TF: variants seen among roughly 807,000 people sequenced by gnomAD.
TF encodes the protein serotransferrin.
In TF, 55 loss-of-function variants were observed where a neutral mutation model predicts 82.4. That is an observed-to-expected ratio of 0.67 (90% CI 0.54 to 0.84). The LOEUF is 0.84. TF is among the 40% of genes least tolerant of loss of function. The pLI is 0.00. For synonymous variants in TF, 332 were observed against 332.6 expected (o/e 1.00, Z 0.02); for missense variants, 737 against 868.4 (o/e 0.85, Z 1.90).
Position 133,790,885 on chromosome 3 carries a change from AT to A in TF, c.*12267del, listed in dbSNP as rs1457398556. The A allele has an allele frequency of 4.6e-5, 7 of 152,170 alleles. No homozygotes were observed. Among genetic ancestry groups the A allele is most frequent in the African/African-American group, 1.7e-4 (7 of 41,450 alleles). The allele number at this position is 152,170 out of a possible 1,614,324, so 9.4% of individuals were successfully genotyped here. On this transcript the variant is annotated 3_prime_UTR_variant, in exon 17 of 17. Transcript: ENST00000402696. Reference sequence around the variant, plus strand: ...ATTGTGTATCAGGAACAAAATATTCATTATGTGGGTTTTGGGGGGCCCTAGG... The same window carrying A: ...ATTGTGTATCAGGAACAAAATATTCATATGTGGGTTTTGGGGGGCCCTAGG...
chr3:133,738,197 A>T, the TF span, among the ~76,000 whole-genome samples: 23 of 152,218 alleles, frequency 1.5e-4, no homozygotes, highest in African/African-American at 5.5e-4. Context: ...CATAAACAGA[A>T]CCAATGACAA....
intron 2 of TF, among the ~76,000 whole-genome samples, chr3:133,750,876 C>T (rs1265001803): frequency 3.3e-5 from 5 of 152,292 alleles, no homozygotes; most frequent in Non-Finnish European, 2.9e-5. Flanking sequence ...TGGTGTGCTG[C>T]ACCCTGTTTG....
At position 133,779,684 on chromosome 3, in the gene TF, C is replaced by G. The variant is rs1295135003; in HGVS notation, c.*1064C>G. On this transcript the variant is annotated 3_prime_UTR_variant, in exon 17 of 17. Transcript: ENST00000402696. ...CCTCCTTCAGTGATGCTCATGACTC[C>G]TAGGCATCTGTATCTATAGCTGTGA... 6.6e-6 allele frequency: 1 copy of G among 152,496 alleles called. No homozygotes were observed. Among genetic ancestry groups the G allele is most frequent in the African/African-American group, 2.4e-5 (1 of 41,444 alleles). 9.4% of individuals were successfully genotyped at this position (152,496 alleles called of 1,614,324 possible). A position where few individuals can be genotyped will look rare whatever the true frequency, so the allele number is the denominator to read the frequency against.
the TF span, among the ~76,000 whole-genome samples, chr3:133,679,559 CTTTG>C: frequency 1.3e-5 from 1 of 78,434 alleles, no homozygotes; most frequent in Non-Finnish European, 2.5e-5. Flanking sequence ...GTATATTGTG[CTTTG>C]TTTGGCTTTT....
At chr3:133,769,734 C>G (rs1934214157) in intron 13 of TF, among the ~76,000 whole-genome samples, 1 of 152,226 alleles carries the variant, frequency 6.6e-6, no homozygotes, top group South Asian at 2.1e-4. Context: ...GTCCAACCCA[C>G]TCGGCTCATT....
At chr3:133,712,278 G>C in the TF span, among the ~76,000 whole-genome samples, 1 of 152,172 alleles carries the variant, frequency 6.6e-6, no homozygotes, top group Non-Finnish European at 1.5e-5. Flanking sequence ...TCCTGGACTT[G>C]AAGCTGTGAT....
the TF span, among the ~76,000 whole-genome samples, chr3:133,686,349 G>A: frequency 6.6e-6 from 1 of 152,128 alleles, no homozygotes; most frequent in African/African-American, 2.4e-5. Flanking sequence ...TTGACAAATG[G>A]GATCTAATTA....
At chr3:133,754,077 G>T in intron 3 of TF, 1 of 427,816 alleles carries the variant, frequency 2.3e-6, no homozygotes, top group Non-Finnish European at 4.3e-6. Context: ...CACACACTCA[G>T]AGGCCAGCAG....
At chr3:133,731,605 T>C in the TF span, among the ~76,000 whole-genome samples, 3 of 152,248 alleles carry the variant, frequency 2.0e-5, no homozygotes, top group Non-Finnish European at 2.9e-5. Flanking sequence ...ATTTGGTATG[T>C]AGTCTATGTT....
chr3:133,684,270 C>A, the TF span, among the ~76,000 whole-genome samples: 1 of 152,228 alleles, frequency 6.6e-6, no homozygotes, highest in South Asian at 2.1e-4. Flanking sequence ...AAAATTGACA[C>A]CCTAACATCA....
intron 15 of TF, among the ~76,000 whole-genome samples, chr3:133,776,285 G>A (rs1262600537): frequency 6.6e-6 from 1 of 152,110 alleles, no homozygotes; most frequent in African/African-American, 2.4e-5. Context: ...CCTTGCCCTC[G>A]GAGAGCCTGC....
At chr3:133,748,306 A>G (rs929789693) in intron 1 of TF, 106 bp from the exon 2 acceptor site, 21 of 1,327,308 alleles carry the variant, frequency 1.6e-5, no homozygotes, top group Non-Finnish European at 7.5e-6. Flanking sequence ...GAGTGAGAGG[A>G]GGACAGGACT....
the TF span, among the ~76,000 whole-genome samples, chr3:133,703,697 T>C: frequency 1.5e-5 from 1 of 65,210 alleles, no homozygotes; most frequent in Non-Finnish European, 4.4e-5. Flanking sequence ...TCTATAAGTA[T>C]ACATTTTTTA....
chr3:133,753,601 G>T lies in TF; in HGVS notation c.223G>T (p.Glu75Ter). 1 of 1,614,124 alleles carries T rather than the reference G, an allele frequency of 6.2e-7. No individual in the cohort carries two copies. Among genetic ancestry groups the T allele is most frequent in the Non-Finnish European group, 8.5e-7 (1 of 1,179,984 alleles). Reference protein sequence around the residue: ...LDCIRAIAANEADAVTLDAGL... With the variant: ...LDCIRAIAAN ...CTGGCCTGTTCTCTTTCAGGCAAAC[G>T]AAGCGGATGCTGTGACACTGGATGC... Residue 75 changes from glutamate (E) to a stop codon, truncating the protein, a stop_gained, in exon 3 of 17, where the codon GAA becomes TAA. Coordinates refer to ENST00000402696, the MANE Select transcript of TF (RefSeq NM_001063.4). LOFTEE classifies it high-confidence loss of function.
upstream of TF, among the ~76,000 whole-genome samples, chr3:133,741,123 C>T (rs570294264): frequency 3.3e-5 from 5 of 151,300 alleles, no homozygotes; most frequent in South Asian, 1.0e-3. Context: ...TCCTGAGTAG[C>T]TGAGACTACA....
At chr3:133,679,912 A>T in the TF span, among the ~76,000 whole-genome samples, 1 of 152,208 alleles carries the variant, frequency 6.6e-6, no homozygotes, top group Non-Finnish European at 1.5e-5. Context: ...CCAGCAGCAT[A>T]TAAGAATTTC....
At chr3:133,771,722 C>T (rs1177641030) in intron 14 of TF, among the ~76,000 whole-genome samples, 7 of 98,912 alleles carry the variant, frequency 7.1e-5, no homozygotes, top group African/African-American at 1.9e-4. Context: ...CCGGCCTGGG[C>T]GACAGAGCGA....
chr3:133,690,667 T>C, the TF span, among the ~76,000 whole-genome samples: 3 of 152,188 alleles, frequency 2.0e-5, no homozygotes, highest in Admixed American at 6.5e-5. Context: ...CCTTATACAG[T>C]TGTGGGTGCT....
chr3:133,712,376 C>G, the TF span, among the ~76,000 whole-genome samples: 1 of 152,194 alleles, frequency 6.6e-6, no homozygotes, highest in Non-Finnish European at 1.5e-5. Context: ...CTTTTGTCCC[C>G]TCACTGTTAA....
Sources: gnomAD v4.1 joint callset for allele counts (sites outside exome capture counted in the v4.1 genomes callset) on GRCh38, gnomAD v4.1.1 for gene constraint, MANE v1.5 for transcripts, NCBI Gene and HGNC (gene_info 2026-07-23, HGNC 2026-07-21) for gene names.